SYNE1: variants seen among roughly 807,000 people sequenced by gnomAD.
The protein encoded by SYNE1 is spectrin repeat containing nuclear envelope protein 1.
A neutral mutation model predicts 1,111.0 loss-of-function variants in SYNE1; 616 were observed. The ratio of observed to expected loss-of-function variants is 0.55; its 90% CI spans 0.52 to 0.59. The LOEUF (loss-of-function observed/expected upper bound fraction) is 0.59. Ranked by LOEUF, SYNE1 falls within the 20% of genes least tolerant of loss-of-function variation. The pLI, the probability that SYNE1 is intolerant of heterozygous loss-of-function variation, is 0.00. For missense variants in SYNE1, 10,006 were observed against 10,417.0 expected, an observed-to-expected ratio of 0.96 and a Z score of 1.72; for synonymous variants, 3,855 against 3,825.8, an observed-to-expected ratio of 1.01 and a Z score of -0.28.
In SYNE1 at chr6:152,201,822, A is replaced by G. The variant is rs1284928877; in HGVS notation, c.23145+2T>C. The G allele has an allele frequency of 6.2e-7, 1 of 1,613,918 alleles. No individual in the cohort carries two copies. Among genetic ancestry groups the G allele is most frequent in the South Asian group, 1.1e-5 (1 of 91,072 alleles). ...GGTGAAAATCTCAGTTCAGTAATTT[A>G]CCTTGCAACGCATTTGTTCTGCATG... is the stretch of plus-strand genomic sequence containing the variant. On this transcript the variant is annotated splice_donor_variant, in intron 127 of 145. Coordinates refer to ENST00000367255, the MANE Select transcript of SYNE1 (RefSeq NM_182961.4). LOFTEE classifies it high-confidence loss of function.
intron 3 of SYNE1, among the ~76,000 whole-genome samples, chr6:152,567,191 G>A (rs1341292408): frequency 6.6e-6 from 1 of 151,992 alleles, no homozygotes; most frequent in Admixed American, 6.6e-5. Flanking sequence ...AAGTCTTCTA[G>A]GTTCATCTAT....
At chr6:152,314,455 C>T (rs921331683) in intron 87 of SYNE1, among the ~76,000 whole-genome samples, 1 of 152,150 alleles carries the variant, frequency 6.6e-6, no homozygotes, top group Non-Finnish European at 1.5e-5. Flanking sequence ...GCACTTTCCT[C>T]TTAAACCCCT....
intron 25 of SYNE1, 46 bp downstream of exon 25, chr6:152,453,540 T>C (rs1364829968): frequency 5.6e-6 from 9 of 1,614,004 alleles, no homozygotes; most frequent in African/African-American, 1.3e-5. Context: ...CTCAAGCTTC[T>C]CCCTTCATTG....
Position 152,183,955 on chromosome 6 carries a change from G to A in SYNE1, c.23302-3661C>T, listed in dbSNP as rs550787293. ...ATAGTTCATCCATCACTGACTAACT[G>A]CATGATCAGGACAAGGTCCCTCATT... On this transcript the variant is annotated intron_variant, in intron 128 of 145. Transcript: ENST00000367255. Among the ~76,000 whole-genome samples the A allele has an allele frequency of 2.0e-3, 306 of 150,528 alleles. 1 individual carries two copies. Among genetic ancestry groups the A allele is most frequent in the Middle Eastern group, 3.5e-3 (1 of 288 alleles).
At chr6:152,276,315 G>T (rs964861715) in intron 98 of SYNE1, among the ~76,000 whole-genome samples, 1 of 152,104 alleles carries the variant, frequency 6.6e-6, no homozygotes, top group Non-Finnish European at 1.5e-5. Flanking sequence ...GGATACAGGC[G>T]TGAGCCACTG....
chr6:152,305,510 G>A (rs571270381), intron 91 of SYNE1, among the ~76,000 whole-genome samples: 5 of 152,154 alleles, frequency 3.3e-5, no homozygotes, highest in South Asian at 2.1e-4. Context: ...TGATCTGCCC[G>A]CCTTGGCCTC....
intron 46 of SYNE1, 49 bp from the exon 47 acceptor site, chr6:152,401,390 A>G: frequency 2.6e-6 from 4 of 1,562,138 alleles, no homozygotes; most frequent in Non-Finnish European, 3.5e-6. Flanking sequence ...CCAGAAGAAT[A>G]CTCATTCAGT....
At chr6:152,338,643 A>G (rs779026399) in intron 75 of SYNE1, among the ~76,000 whole-genome samples, 1 of 152,120 alleles carries the variant, frequency 6.6e-6, no homozygotes. Context: ...CAAACAAACG[A>G]GCAAACAAAC....
At chr6:152,288,331 A>G (rs567803219) in intron 95 of SYNE1, among the ~76,000 whole-genome samples, 6 of 152,234 alleles carry the variant, frequency 3.9e-5, no homozygotes, top group Admixed American at 1.3e-4. Flanking sequence ...CCTACTTTCC[A>G]CTAACTGTAG....
chr6:152,234,495 A>G (rs1181880368), intron 111 of SYNE1, among the ~76,000 whole-genome samples, 173 bp downstream of exon 111: 1 of 152,046 alleles, frequency 6.6e-6, no homozygotes, highest in East Asian at 1.9e-4. Flanking sequence ...GGGTTTCACC[A>G]TGTTGGTCAG....
Position 152,425,442 on chromosome 6 carries a change from T to G in SYNE1, c.5206A>C (p.Lys1736Gln). ...TCATCCAACTGCTCCAAATGTAGTT[T>G]CATCATTTTCACATCATCTTTGGAG... ...VASKDDVKMMKLHLEQLDERW... is the reference protein window; with the variant it reads ...VASKDDVKMMQLHLEQLDERW... Residue 1736 changes from lysine to glutamine, a missense_variant, in exon 39 of 146, where the codon AAA becomes CAA. Physicochemically the swap from Lys to Gln is moderately conservative, Grantham distance 53. Coordinates refer to ENST00000367255, the MANE Select transcript of SYNE1 (RefSeq NM_182961.4). The G allele has an allele frequency of 6.2e-7, 1 of 1,614,220 alleles. No homozygotes were observed. The highest frequency in any genetic ancestry group is 8.5e-7 in the Non-Finnish European group (1 of 1,180,026).
chr6:152,491,432 C>T (rs545466360), intron 11 of SYNE1, among the ~76,000 whole-genome samples: 2 of 152,256 alleles, frequency 1.3e-5, no homozygotes, highest in Admixed American at 6.5e-5. Context: ...ACCTCCTTCA[C>T]TATGGGCAAG....
intron 9 of SYNE1, among the ~76,000 whole-genome samples, chr6:152,504,966 G>A (rs1025738948): frequency 1.3e-5 from 2 of 152,060 alleles, no homozygotes; most frequent in African/African-American, 4.8e-5. Flanking sequence ...CAGTTCACCC[G>A]ACTGACATAC....
chr6:152,531,671 CTCTACCAT>C (rs971685039), intron 4 of SYNE1, among the ~76,000 whole-genome samples: 1 of 152,170 alleles, frequency 6.6e-6, no homozygotes, highest in Non-Finnish European at 1.5e-5. Flanking sequence ...GCCCTTCAGC[CTCTACCAT>C]TCTACCATTC....
At position 152,234,692 on chromosome 6, in the gene SYNE1, G is replaced by A; in HGVS notation, c.20505C>T (p.Val6835=). 6.2e-7 allele frequency: 1 copy of A among 1,614,184 alleles called. No homozygotes were observed. Among genetic ancestry groups the A allele is most frequent in the South Asian group, 1.1e-5 (1 of 91,080 alleles). ...CCAGGAAAGCATTTAGATGATCACG[G>A]ACCATTTCCAGCTCTTGTGGGACTG... is the stretch of plus-strand genomic sequence containing the variant. ...SVTVPQELEM[V]RDHLNAFLEF... The change falls in exon 111 of 146, where the codon GTC becomes GTT. Residue 6835 remains valine (V), a synonymous_variant. Coordinates refer to ENST00000367255, the MANE Select transcript of SYNE1 (RefSeq NM_182961.4).
chr6:152,207,877 T>C (rs967044493), intron 125 of SYNE1, 95 bp downstream of exon 125: 6 of 1,154,632 alleles, frequency 5.2e-6, no homozygotes, highest in Non-Finnish European at 7.8e-6. Context: ...CCAGCTGCAA[T>C]GTCACTCTAG....
intron 91 of SYNE1, among the ~76,000 whole-genome samples, chr6:152,302,460 G>C (rs1299134365): frequency 6.6e-6 from 1 of 152,244 alleles, no homozygotes; most frequent in African/African-American, 2.4e-5. Context: ...ATTAGGTCAT[G>C]TGATGGCTAA....
At chr6:152,454,488 T>TA (rs1224011765) in intron 24 of SYNE1, among the ~76,000 whole-genome samples, 1 of 152,162 alleles carries the variant, frequency 6.6e-6, no homozygotes, top group Non-Finnish European at 1.5e-5. Context: ...AACCCTACTA[T>TA]ACTAGCACCT....
intron 105 of SYNE1, among the ~76,000 whole-genome samples, chr6:152,248,119 G>C (rs1327720709): frequency 6.6e-6 from 1 of 152,026 alleles, no homozygotes; most frequent in Non-Finnish European, 1.5e-5. Flanking sequence ...GCCTCATGAT[G>C]GATCTCCTGT....
Sources: allele counts gnomAD v4.1 joint callset (sites outside exome capture counted in the v4.1 genomes callset), GRCh38; gene constraint gnomAD v4.1.1; transcripts MANE v1.5; gene names NCBI Gene and HGNC (gene_info 2026-07-23, HGNC 2026-07-21).